The following SMARCC1 variants were observed in gnomAD, a reference collection of about 807,000 sequenced individuals.
SMARCC1 encodes the protein SWI/SNF related BAF chromatin remodeling complex subunit C1, also known as SWI/SNF complex subunit SMARCC1.
SMARCC1 carries 43 observed loss-of-function variants against 147.4 expected under a neutral mutation model. The ratio of observed to expected loss-of-function variants is 0.29; its 90% CI spans 0.23 to 0.38. The LOEUF is 0.38. Among genes scored for constraint, SMARCC1 ranks in the 10% least tolerant of loss-of-function variants. The pLI is 1.00. For synonymous variants in SMARCC1, 495 were observed against 484.4 expected, an observed-to-expected ratio of 1.02 and a Z score of -0.29; for missense variants, 1,119 against 1,381.1, an observed-to-expected ratio of 0.81 and a Z score of 3.01.
rs1047818446 is a variant in SMARCC1, at chr3:47,748,258, G to A, written c.316-2265C>T. Among the ~76,000 whole-genome samples, 18 of 152,234 alleles carry A rather than the reference G, an allele frequency of 1.2e-4. 1 individual carries two copies. In the East Asian group the frequency reaches 3.5e-3, roughly 29 times the overall value. ...AAACAGGGTCTCACTGTGTTGCTCA[G>A]GCTGGAGTACAGCTGGGTGATCATG... is the stretch of plus-strand genomic sequence containing the variant. On this transcript the variant is annotated intron_variant, in intron 2 of 27. Transcript: ENST00000254480.
intron 12 of SMARCC1, among the ~76,000 whole-genome samples, chr3:47,691,294 T>C (rs1224516720): frequency 6.6e-6 from 1 of 152,126 alleles, no homozygotes; most frequent in African/African-American, 2.4e-5. Flanking sequence ...TGAGGTAGCA[T>C]ATAAGGCAGA....
intron 15 of SMARCC1, among the ~76,000 whole-genome samples, chr3:47,680,072 T>G (rs1181350546): frequency 6.6e-6 from 1 of 151,882 alleles, no homozygotes; most frequent in Non-Finnish European, 1.5e-5. Context: ...TAAATAAACA[T>G]CAGCCAAGTG....
At chr3:47,671,197 A>AAAAAC (rs1157129603) in intron 18 of SMARCC1, among the ~76,000 whole-genome samples, 3 of 62,342 alleles carry the variant, frequency 4.8e-5, no homozygotes, top group African/African-American at 1.4e-4. Flanking sequence ...AAAAAAAAAA[A>AAAAAC]ACACACACAA....
At chr3:47,763,482 T>A (rs2034799576) in intron 2 of SMARCC1, among the ~76,000 whole-genome samples, 1 of 151,910 alleles carries the variant, frequency 6.6e-6, no homozygotes. Flanking sequence ...TACGTCAGTA[T>A]TACACTTTAC....
chr3:47,592,206 T>C (rs1262185300), intron 26 of SMARCC1, among the ~76,000 whole-genome samples: 5 of 152,218 alleles, frequency 3.3e-5, no homozygotes, highest in Admixed American at 2.6e-4. Flanking sequence ...TTAGAATGTT[T>C]AGCCAACTTT....
chr3:47,735,756 A>T (rs533719688), intron 5 of SMARCC1, among the ~76,000 whole-genome samples: 3 of 152,144 alleles, frequency 2.0e-5, no homozygotes, highest in African/African-American at 7.2e-5. Flanking sequence ...TCTCTCAACC[A>T]CAACAACAAA....
chr3:47,666,026 ACT>A (rs775774923), intron 19 of SMARCC1, among the ~76,000 whole-genome samples: 20 of 152,186 alleles, frequency 1.3e-4, no homozygotes, highest in Non-Finnish European at 7.4e-5. Context: ...TACATAAAAC[ACT>A]CTTTCTCTCC....
rs371760215 is a variant in SMARCC1, at chr3:47,662,365, G to C, written c.2127C>G (p.Arg709=). 7 of 1,613,986 alleles carry C rather than the reference G, an allele frequency of 4.3e-6. No individual in the cohort carries two copies. The highest frequency in any genetic ancestry group is 5.9e-6 in the Non-Finnish European group (7 of 1,180,008). Residue 709 remains arginine (R), a synonymous_variant, in exon 20 of 28, where the codon CGC becomes CGG. Coordinates refer to ENST00000254480, the MANE Select transcript of SMARCC1 (RefSeq NM_003074.4). ...VAFLASVVDP[R]VASAAAKAAL... Reference sequence around the variant, plus strand: ...CCGCTTTTGCTGCAGCAGATGCCACGCGAGGGTCCACCACAGATGCCAAAA... The same window carrying C: ...CCGCTTTTGCTGCAGCAGATGCCACCCGAGGGTCCACCACAGATGCCAAAA...
chr3:47,754,854 C>T (rs1358457318), intron 2 of SMARCC1, among the ~76,000 whole-genome samples: 1 of 152,096 alleles, frequency 6.6e-6, no homozygotes, highest in Non-Finnish European at 1.5e-5. Flanking sequence ...ACCAGCCTAG[C>T]CAACATGGTG....
rs1354422565 is a variant in SMARCC1, at chr3:47,662,471, GA to G, written c.2020del (p.Ser674GlnfsTer23). ...GGCCAAAGGCCCAAGGGAAGCATCT[GA>G]ATTCTCAAGGTATGGGTCCTCAATG... is the stretch of plus-strand genomic sequence containing the variant. Reference protein sequence around the residue: ...LPIEDPYLENSDASLGPLAYQ... With the variant: ...LPIEDPYLENXDASLGPLAYQ... On this transcript the variant is annotated frameshift_variant, in exon 20 of 28. Transcript: ENST00000254480. LOFTEE classifies it high-confidence loss of function. 6.2e-7 allele frequency: 1 copy of G among 1,614,028 alleles called. No homozygotes were observed. The highest frequency in any genetic ancestry group is 1.7e-5 in the Admixed American group (1 of 60,006).
chr3:47,735,955 G>T, intron 5 of SMARCC1, 79 bp downstream of exon 5: 1 of 620,900 alleles, frequency 1.6e-6, no homozygotes, highest in South Asian at 3.0e-5. Context: ...CATTACTATG[G>T]TTGTCATTTA....
At chr3:47,750,946 G>A (rs909529634) in intron 2 of SMARCC1, among the ~76,000 whole-genome samples, 4 of 150,910 alleles carry the variant, frequency 2.7e-5, no homozygotes, top group Non-Finnish European at 5.9e-5. Flanking sequence ...CACCCAGGCT[G>A]GAGTGCAGTG....
chr3:47,666,796 C>T (rs1237884988), intron 19 of SMARCC1, among the ~76,000 whole-genome samples: 1 of 151,960 alleles, frequency 6.6e-6, no homozygotes, highest in Non-Finnish European at 1.5e-5. Context: ...CCCAATGTGG[C>T]CCAGGGAAGC....
chr3:47,771,060 G>C (rs977793695), intron 2 of SMARCC1, among the ~76,000 whole-genome samples: 1 of 151,986 alleles, frequency 6.6e-6, no homozygotes, highest in East Asian at 1.9e-4. Flanking sequence ...ACAGGCACCC[G>C]CCACCACGCC....
At chr3:47,668,306 C>G (rs1427823384) in intron 19 of SMARCC1, among the ~76,000 whole-genome samples, 1 of 152,172 alleles carries the variant, frequency 6.6e-6, no homozygotes, top group Non-Finnish European at 1.5e-5. Flanking sequence ...CTTTTTACAA[C>G]TGAAGTCTTA....
intron 19 of SMARCC1, 83 bp from the exon 20 acceptor site, chr3:47,662,675 T>TA (rs1397288023): frequency 3.5e-5 from 38 of 1,089,104 alleles, no homozygotes; most frequent in Admixed American, 4.6e-5. Context: ...ATAGCTTTTT[T>TA]AAAAAAAATT....
chr3:47,665,594 C>A (rs2106741733), intron 19 of SMARCC1, among the ~76,000 whole-genome samples: 1 of 152,242 alleles, frequency 6.6e-6, no homozygotes, highest in East Asian at 1.9e-4. Flanking sequence ...AAGCAAGACT[C>A]AGCATCCAGA....
At chr3:47,671,173 CA>C (rs775759680) in intron 18 of SMARCC1, among the ~76,000 whole-genome samples, 70 of 29,240 alleles carry the variant, frequency 2.4e-3, no homozygotes, top group South Asian at 0.014. Context: ...GAGACTATCT[CA>C]AAAAAAAAAA....
At chr3:47,770,055 C>G (rs895873557) in intron 2 of SMARCC1, among the ~76,000 whole-genome samples, 2 of 151,584 alleles carry the variant, frequency 1.3e-5, no homozygotes, top group African/African-American at 4.9e-5. Context: ...GAAACCCCGT[C>G]TCTACTAAAA....
Sources: allele counts gnomAD v4.1 joint callset (sites outside exome capture counted in the v4.1 genomes callset), GRCh38; gene constraint gnomAD v4.1.1; transcripts MANE v1.5; gene names NCBI Gene and HGNC (gene_info 2026-07-23, HGNC 2026-07-21).